The following GFRAL variants were observed in gnomAD, a reference collection of about 807,000 sequenced individuals.
GFRAL encodes GDNF family receptor alpha like.
Under a neutral mutation model 45.4 loss-of-function variants are expected in GFRAL, and 36 were observed. That is an observed-to-expected ratio of 0.79 (90% CI 0.61 to 1.05). GFRAL has a LOEUF of 1.05. Ranked by LOEUF, GFRAL falls within the 50% of genes least tolerant of loss-of-function variation. The pLI, the probability that GFRAL is intolerant of heterozygous loss-of-function variation, is 0.00. For synonymous variants in GFRAL, 166 were observed against 154.1 expected (o/e 1.08, Z -0.57); for missense variants, 507 against 467.5 (o/e 1.08, Z -0.78).
intron 5 of GFRAL, among the ~76,000 whole-genome samples, chr6:55,355,677 T>C (rs1027890429): frequency 2.6e-5 from 4 of 151,972 alleles, no homozygotes; most frequent in Non-Finnish European, 5.9e-5. Context: ...CAAACAAATT[T>C]TTCTACCTTT....
At chr6:55,358,585 A>G (rs1016131842) in intron 5 of GFRAL, among the ~76,000 whole-genome samples, 1 of 152,010 alleles carries the variant, frequency 6.6e-6, no homozygotes, top group Non-Finnish European at 1.5e-5. Context: ...TCTCTGAAGC[A>G]GTTCATGCCT....
chr6:55,339,251 G>T (rs1434476074), intron 3 of GFRAL, among the ~76,000 whole-genome samples: 1 of 152,116 alleles, frequency 6.6e-6, no homozygotes, highest in African/African-American at 2.4e-5. Context: ...GTACAGGACT[G>T]GGGACGAAAG....
intron 6 of GFRAL, among the ~76,000 whole-genome samples, chr6:55,361,717 G>A (rs1768277983): frequency 6.6e-6 from 1 of 151,842 alleles, no homozygotes; most frequent in South Asian, 2.1e-4. Context: ...AGTAGCACAA[G>A]GACATTTGCT....
At chr6:55,330,461 T>A (rs771454864) in intron 1 of GFRAL, among the ~76,000 whole-genome samples, 3 of 152,128 alleles carry the variant, frequency 2.0e-5, no homozygotes, top group Non-Finnish European at 4.4e-5. Flanking sequence ...ATGGAAGATG[T>A]CAAATTCAAT....
chr6:55,368,120 T>A (rs1424967816), intron 6 of GFRAL, among the ~76,000 whole-genome samples: 1 of 150,136 alleles, frequency 6.7e-6, no homozygotes, highest in Admixed American at 6.6e-5. Context: ...GTCCCATATT[T>A]CTTGGAGGCT....
chr6:55,368,188 C>A (rs1168678140), intron 6 of GFRAL, among the ~76,000 whole-genome samples: 3 of 151,822 alleles, frequency 2.0e-5, no homozygotes, highest in African/African-American at 7.3e-5. Flanking sequence ...TCATTTCATT[C>A]ATTTCATCTT....
At chr6:55,368,493 G>A (rs1197165873) in intron 6 of GFRAL, among the ~76,000 whole-genome samples, 2 of 152,010 alleles carry the variant, frequency 1.3e-5, no homozygotes, top group South Asian at 2.1e-4. Context: ...GAGGAACTGC[G>A]TTCCTTTGGA....
intron 6 of GFRAL, among the ~76,000 whole-genome samples, chr6:55,361,550 G>A (rs1048013533): frequency 6.6e-6 from 1 of 150,598 alleles, no homozygotes; most frequent in Non-Finnish European, 1.5e-5. Flanking sequence ...CAAATATTTT[G>A]ATCCAAAGTT....
intron 3 of GFRAL, among the ~76,000 whole-genome samples, chr6:55,334,393 G>C (rs1767866997): frequency 6.6e-6 from 1 of 152,150 alleles, no homozygotes; most frequent in East Asian, 1.9e-4. Context: ...CTAATTGCTA[G>C]AGTTATACTT....
In GFRAL at chr6:55,351,246, C is replaced by T. The variant is rs1672426232; in HGVS notation, c.371-7C>T. ...TTTCCACGACCTGGGCATATCATTG[C>T]TTTCAGGATTCAAAGGGATGTGGTC... is the stretch of plus-strand genomic sequence containing the variant. On this transcript the variant is annotated splice_region_variant and splice_polypyrimidine_tract_variant and intron_variant, in intron 4 of 8. Transcript: ENST00000340465. The T allele has an allele frequency of 1.3e-6, 2 of 1,567,400 alleles. No individual in the cohort carries two copies. The highest frequency in any genetic ancestry group is 1.7e-6 in the Non-Finnish European group (2 of 1,152,418).
chr6:55,391,308 A>C (rs1768750935), intron 6 of GFRAL, among the ~76,000 whole-genome samples: 1 of 152,154 alleles, frequency 6.6e-6, no homozygotes, highest in South Asian at 2.1e-4. Flanking sequence ...TCATTTTTTC[A>C]TATTAAATAA....
chr6:55,377,880 G>A (rs559362849), intron 6 of GFRAL, among the ~76,000 whole-genome samples: 2 of 152,216 alleles, frequency 1.3e-5, no homozygotes, highest in East Asian at 3.9e-4. Context: ...CACATGTAAA[G>A]GAGATGGGGT....
intron 5 of GFRAL, among the ~76,000 whole-genome samples, chr6:55,356,531 A>G (rs999884955): frequency 6.6e-6 from 1 of 151,794 alleles, no homozygotes; most frequent in East Asian, 1.9e-4. Context: ...GATCCTTCGA[A>G]TTTCTGTGGC....
intron 8 of GFRAL, among the ~76,000 whole-genome samples, chr6:55,399,689 C>T (rs1768871207): frequency 6.6e-6 from 1 of 151,994 alleles, no homozygotes; most frequent in South Asian, 2.1e-4. Context: ...TTGTATGTTC[C>T]TTCCAATTAA....
At chr6:55,359,233 T>C (rs1310289489) in intron 6 of GFRAL, 95 bp downstream of exon 6, 7 of 990,930 alleles carry the variant, frequency 7.1e-6, no homozygotes, top group Non-Finnish European at 1.0e-5. Context: ...GTAAAAGAGG[T>C]AATCCAGCAC....
chr6:55,368,973 G>A (rs181235328), intron 6 of GFRAL, among the ~76,000 whole-genome samples: 16,580 of 151,430 alleles, frequency 0.11, 999 homozygotes, highest in African/African-American at 0.15. Context: ...GCTCCACCCA[G>A]TTGGAGCTTC....
At chr6:55,379,803 T>C (rs144874178) in intron 6 of GFRAL, among the ~76,000 whole-genome samples, 119 of 152,046 alleles carry the variant, frequency 7.8e-4, no homozygotes, top group African/African-American at 2.8e-3. Flanking sequence ...CTTTGACCAA[T>C]ATCTCCCCAA....
chr6:55,397,256 C>CTTTTCTAGTCTTGTGTTGG, intron 6 of GFRAL, among the ~76,000 whole-genome samples: 3 of 139,312 alleles, frequency 2.2e-5, no homozygotes, highest in African/African-American at 5.6e-5. Flanking sequence ...CGGTGGCTCA[C>CTTTTCTAGTCTTGTGTTGG]GCCTGTAATC....
At chr6:55,338,262 G>T (rs1277573883) in intron 3 of GFRAL, among the ~76,000 whole-genome samples, 1 of 151,870 alleles carries the variant, frequency 6.6e-6, no homozygotes, top group Non-Finnish European at 1.5e-5. Context: ...GCTGATTTTT[G>T]TATTTTTAGT....
Sources: gnomAD v4.1 joint callset for allele counts (sites outside exome capture counted in the v4.1 genomes callset) on GRCh38, gnomAD v4.1.1 for gene constraint, MANE v1.5 for transcripts, NCBI Gene and HGNC (gene_info 2026-07-23, HGNC 2026-07-21) for gene names.